Variants in HNF1B observed in about 807,000 individuals in gnomAD.
The protein encoded by HNF1B is HNF1 homeobox B, also known as hepatocyte nuclear factor 1-beta.
HNF1B carries 8 observed loss-of-function variants against 61.7 expected under a neutral mutation model. The observed-to-expected ratio is 0.13, with a 90% CI of 0.08 to 0.23. The LOEUF (loss-of-function observed/expected upper bound fraction) is 0.23, where lower values mean the gene tolerates loss of function less well. Among genes scored for constraint, HNF1B ranks in the 10% least tolerant of loss-of-function variants. The pLI, the probability that HNF1B is intolerant of heterozygous loss-of-function variation, is 1.00. For missense variants in HNF1B, 562 were observed against 714.5 expected (o/e 0.79, Z 2.43); for synonymous variants, 314 against 287.7 (o/e 1.09, Z -0.93).
At chr17:37,721,607 C>G (rs2033317500) in intron 4 of HNF1B, among the ~76,000 whole-genome samples, 1 of 152,150 alleles carries the variant, frequency 6.6e-6, no homozygotes, top group Non-Finnish European at 1.5e-5. Flanking sequence ...GGCTGCTTCT[C>G]TTTTCCCATT....
rs2033758386 is a variant in HNF1B at position 37,733,800 on chromosome 17, C to T, written c.566G>A (p.Ser189Asn). ...ILRQFNQTVQ[S>N]SGNMTDKSSQ... Reference sequence around the variant, plus strand: ...GCTTTTGTCTGTCATATTTCCAGAACTCTGGACTGTCTGGTTGAATTCTGA... The same window carrying T: ...GCTTTTGTCTGTCATATTTCCAGAATTCTGGACTGTCTGGTTGAATTCTGA... The change falls in exon 3 of 9, where the codon AGT (serine) becomes AAT (asparagine). Residue 189 changes from serine (S) to asparagine (N), a missense_variant. Ser to Asn is a conservative substitution (Grantham distance 46). Coordinates refer to ENST00000617811, the MANE Select transcript of HNF1B (RefSeq NM_000458.4). The T allele has an allele frequency of 6.2e-7, 1 of 1,614,078 alleles. No homozygotes were observed. The highest frequency in any genetic ancestry group is 1.7e-5 in the Admixed American group (1 of 60,006).
intron 4 of HNF1B, among the ~76,000 whole-genome samples, chr17:37,726,149 T>TGTGTGTGTGC (rs1250279771): frequency 6.6e-6 from 1 of 151,898 alleles, no homozygotes; most frequent in Non-Finnish European, 1.5e-5. Context: ...TGTGTGTGTG[T>TGTGTGTGTGC]GTGTGTGTCT....
Position 37,700,820 on chromosome 17 carries a change from C to T in HNF1B, c.1534+163G>A, listed in dbSNP as rs533509274. On this transcript the variant is annotated intron_variant, in intron 7 of 8. Coordinates refer to ENST00000617811, the MANE Select transcript of HNF1B (RefSeq NM_000458.4). ...AAGAGGACTAGAAAAGGTACAGCAA[C>T]ACTCAAGAGTTATGCTTGAGAAATT... Among the ~76,000 whole-genome samples the T allele has an allele frequency of 3.3e-5, 5 of 152,314 alleles. No homozygotes were observed. In the East Asian group the frequency reaches 9.6e-4, roughly 29 times the overall value.
rs749070476 is a variant in HNF1B, at chr17:37,687,242, G to A, written c.*130C>T. On this transcript the variant is annotated 3_prime_UTR_variant, in exon 9 of 9. Coordinates refer to ENST00000617811, the MANE Select transcript of HNF1B (RefSeq NM_000458.4). ...TGTCTGAGGTGCCAGCAGGACGTCC[G>A]TCAGGTAAGCAGGGACCTCTCGCAG... 1.1e-5 allele frequency: 17 copies of A among 1,484,646 alleles called. No homozygotes were observed. Among genetic ancestry groups the A allele is most frequent in the African/African-American group, 1.1e-4 (8 of 71,974 alleles). The allele number at this position is 1,484,646 out of a possible 1,614,324, so 92.0% of individuals were successfully genotyped here. A position where few individuals can be genotyped will look rare whatever the true frequency, so the allele number is the denominator to read the frequency against.
chr17:37,711,135 G>C (rs886066062), intron 4 of HNF1B, among the ~76,000 whole-genome samples: 14 of 152,230 alleles, frequency 9.2e-5, no homozygotes, highest in African/African-American at 3.4e-4. Context: ...GTAGACCCAT[G>C]TGACGAAGAA....
At chr17:37,717,379 T>C (rs1195036742) in intron 4 of HNF1B, among the ~76,000 whole-genome samples, 1 of 151,804 alleles carries the variant, frequency 6.6e-6, no homozygotes, top group African/African-American at 2.4e-5. Context: ...ATTCTTCCCC[T>C]GTGTTTCTAA....
intron 4 of HNF1B, among the ~76,000 whole-genome samples, chr17:37,711,782 G>A (rs909606482): frequency 2.0e-5 from 3 of 152,166 alleles, no homozygotes; most frequent in Admixed American, 6.5e-5. Context: ...CTGGATAGGT[G>A]GACCAACTCT....
chr17:37,733,901 ACGAAGACAC>A lies in HNF1B; in HGVS notation c.545-89_545-81del, dbSNP rs371014449. 5 of 1,501,394 alleles carry A rather than the reference ACGAAGACAC, an allele frequency of 3.3e-6. No homozygotes were observed. In the African/African-American group the frequency reaches 6.9e-5, roughly 21 times the overall value. The allele number at this position is 1,501,394 out of a possible 1,614,324, so 93.0% of individuals were successfully genotyped here. A position where few individuals can be genotyped will look rare whatever the true frequency, so the allele number is the denominator to read the frequency against. ...AGACAGACAGACAGACAGACAACGG[ACGAAGACAC>A]CTTTATTCCCCTCGTCTAACTAAGC... On this transcript the variant is annotated intron_variant, in intron 2 of 8. Transcript: ENST00000617811.
chr17:37,694,238 G>A (rs2032299498), intron 8 of HNF1B, among the ~76,000 whole-genome samples: 1 of 152,200 alleles, frequency 6.6e-6, no homozygotes, highest in Non-Finnish European at 1.5e-5. Flanking sequence ...GACCAGCCTG[G>A]CCAACATGGT....
chr17:37,720,630 A>G, intron 4 of HNF1B: 1 of 232,428 alleles, frequency 4.3e-6, no homozygotes, highest in Non-Finnish European at 7.1e-6. Flanking sequence ...ATGCTTTGAC[A>G]GGAAGCCTTC....
At chr17:37,724,470 A>G (rs1015665715) in intron 4 of HNF1B, among the ~76,000 whole-genome samples, 1 of 152,158 alleles carries the variant, frequency 6.6e-6, no homozygotes, top group African/African-American at 2.4e-5. Context: ...CTATTGTCCT[A>G]CAGCGGGGTC....
intron 8 of HNF1B, among the ~76,000 whole-genome samples, chr17:37,689,439 T>C (rs951872760): frequency 1.3e-5 from 2 of 152,232 alleles, no homozygotes; most frequent in African/African-American, 4.8e-5. Flanking sequence ...TGAGATTCTA[T>C]GGCCTGTCAT....
chr17:37,697,598 C>A (rs2032427435), intron 8 of HNF1B, among the ~76,000 whole-genome samples: 1 of 152,200 alleles, frequency 6.6e-6, no homozygotes, highest in Non-Finnish European at 1.5e-5. Context: ...GATTGATAAA[C>A]CTTTCAAAGG....
chr17:37,744,702 G>C lies in HNF1B; in HGVS notation c.183C>G (p.Val61=). The C allele has an allele frequency of 1.9e-6, 3 of 1,613,478 alleles. No individual in the cohort carries two copies. Among genetic ancestry groups the C allele is most frequent in the Middle Eastern group, 1.6e-4 (1 of 6,062 alleles). ...CGTGGCCGTTGGTGAGAGTATGGAA[G>C]ACCGGCTTGGTGTCGGGCTCGGCCC... The part of the protein sequence containing the change: ...GSGAEPDTKP[V]FHTLTNGHAK... The change falls in exon 1 of 9, where the codon GTC becomes GTG. Residue 61 remains valine (V), a synonymous_variant. Transcript: ENST00000617811.
rs1237929172 is a variant in HNF1B, at chr17:37,696,124, G to A, written c.1653+2952C>T. 4.6e-5 allele frequency among the ~76,000 whole-genome samples: 7 copies of A among 152,132 alleles called. No homozygotes were observed. In the East Asian group the frequency reaches 7.7e-4, roughly 17 times the overall value. ...TGATGGGTGAGGAATTCATGCTTGA[G>A]TTAGTTCACGTGAGATCTGGCTGTT... is the stretch of plus-strand genomic sequence containing the variant. On this transcript the variant is annotated intron_variant, in intron 8 of 8. Coordinates refer to ENST00000617811, the MANE Select transcript of HNF1B (RefSeq NM_000458.4).
chr17:37,703,986 A>C (rs929005742), intron 6 of HNF1B, among the ~76,000 whole-genome samples: 1 of 152,240 alleles, frequency 6.6e-6, no homozygotes, highest in Non-Finnish European at 1.5e-5. Flanking sequence ...TAAGAGGACA[A>C]TGGAGCAATA....
chr17:37,736,136 G>A (rs2033825644), intron 2 of HNF1B, among the ~76,000 whole-genome samples: 2 of 152,212 alleles, frequency 1.3e-5, no homozygotes, highest in African/African-American at 2.4e-5. Flanking sequence ...TCTAAATGCA[G>A]TTACTTGAGG....
intron 4 of HNF1B, among the ~76,000 whole-genome samples, chr17:37,724,788 C>T (rs2033437558): frequency 6.6e-6 from 1 of 152,050 alleles, no homozygotes; most frequent in East Asian, 1.9e-4. Context: ...AAAAGTTTGT[C>T]AATCCCTGTT....
In HNF1B at chr17:37,687,396, C is replaced by CAG; in HGVS notation, c.1654-6_1654-5dup. 4 of 1,609,408 alleles carry CAG rather than the reference C, an allele frequency of 2.5e-6. No homozygotes were observed. Among genetic ancestry groups the CAG allele is most frequent in the East Asian group, 2.2e-5 (1 of 44,856 alleles). On this transcript the variant is annotated splice_polypyrimidine_tract_variant and splice_region_variant and intron_variant, in intron 8 of 8. Transcript: ENST00000617811. ...ATCACCAGGCTTGTAGAGGACACTG[C>CAG]AGAGAGAGAGGAGAGAGGGTGCTCA...
Sources: allele counts gnomAD v4.1 joint callset (sites outside exome capture counted in the v4.1 genomes callset), GRCh38; gene constraint gnomAD v4.1.1; transcripts MANE v1.5; gene names NCBI Gene and HGNC (gene_info 2026-07-23, HGNC 2026-07-21).